Variants in RUBCNL observed in about 807,000 individuals in gnomAD.
RUBCNL encodes the protein protein associated with UVRAG as autophagy enhancer.
RUBCNL carries 62 observed loss-of-function variants against 69.5 expected under a neutral mutation model. The observed-to-expected ratio is 0.89, with a 90% CI of 0.73 to 1.10. RUBCNL has a LOEUF of 1.10. Among genes scored for constraint, RUBCNL ranks in the 50% least tolerant of loss-of-function variants. The pLI, the probability that RUBCNL is intolerant of heterozygous loss-of-function variation, is 0.00. For missense variants in RUBCNL, 768 were observed against 798.1 expected, an observed-to-expected ratio of 0.96 and a Z score of 0.45; for synonymous variants, 291 against 303.6, an observed-to-expected ratio of 0.96 and a Z score of 0.43.
intron 12 of RUBCNL, among the ~76,000 whole-genome samples, chr13:46,345,937 C>G (rs1302429781): frequency 6.6e-6 from 1 of 152,166 alleles, no homozygotes; most frequent in Non-Finnish European, 1.5e-5. Flanking sequence ...ACCTAGTACC[C>G]TTTGATTACC....
intron 5 of RUBCNL, among the ~76,000 whole-genome samples, chr13:46,367,217 C>A (rs2048776955): frequency 6.6e-6 from 1 of 152,218 alleles, no homozygotes; most frequent in African/African-American, 2.4e-5. Flanking sequence ...GGGTCCCCAC[C>A]TCTGTTCTAC....
intron 9 of RUBCNL, 45 bp downstream of exon 9, chr13:46,359,441 T>C (rs1231081172): frequency 1.3e-6 from 2 of 1,559,692 alleles, no homozygotes; most frequent in Admixed American, 1.8e-5. Flanking sequence ...TCTGTCACAA[T>C]GTGATTTAAA....
rs1477108942 is a variant in RUBCNL at position 46,362,923 on chromosome 13, CATATATATATATATAGAT to C, written c.925+174_925+191del. On this transcript the variant is annotated intron_variant, in intron 6 of 14. Coordinates refer to ENST00000429979, the MANE Select transcript of RUBCNL (RefSeq NM_025113.5). ...ATCCAGACATTTGAAACAAGAACAT[CATATATATATATATAGAT>C]ATATATATATATATATATATATATA... Among the ~76,000 whole-genome samples, 212 of 88,046 alleles carry C rather than the reference CATATATATATATATAGAT, an allele frequency of 2.4e-3. 11 individuals are homozygous for C. The highest frequency in any genetic ancestry group is 6.5e-3 in the South Asian group (16 of 2,480). The allele number at this position is 88,046 out of a possible 152,430, so 57.8% of individuals were successfully genotyped here. A position where few individuals can be genotyped will look rare whatever the true frequency, so the allele number is the denominator to read the frequency against.
chr13:46,343,964 C>T (rs1031314526), intron 14 of RUBCNL, among the ~76,000 whole-genome samples: 2 of 152,180 alleles, frequency 1.3e-5, no homozygotes, highest in Non-Finnish European at 2.9e-5. Flanking sequence ...GCTGAAAGGC[C>T]ACCAAACTCC....
rs1252856304 is a variant in RUBCNL at position 46,335,248 on chromosome 13, G to T, written c.*8137C>A. 8.6e-4 allele frequency among the ~76,000 whole-genome samples: 95 copies of T among 110,030 alleles called. No individual in the cohort carries two copies. Among genetic ancestry groups the T allele is most frequent in the South Asian group, 7.1e-3 (24 of 3,382 alleles). The allele number at this position is 110,030 out of a possible 152,430, so 72.2% of individuals were successfully genotyped here. A position where few individuals can be genotyped will look rare whatever the true frequency, so the allele number is the denominator to read the frequency against. The stretch of plus-strand genomic sequence containing the variant: ...CCCAGCTAATTTGTGTCTTTTTGTT[G>T]TTGTTGTTGTTGTTTTTTTTTTTTT... On this transcript the variant is annotated 3_prime_UTR_variant, in exon 15 of 15. Coordinates refer to ENST00000429979, the MANE Select transcript of RUBCNL (RefSeq NM_025113.5).
intron 13 of RUBCNL, among the ~76,000 whole-genome samples, chr13:46,345,059 C>T (rs2048215504): frequency 1.3e-5 from 2 of 152,208 alleles, no homozygotes; most frequent in Admixed American, 1.3e-4. Flanking sequence ...AGAGTAAGGT[C>T]CTAATTGTAA....
In RUBCNL at chr13:46,363,175, G is replaced by A. The variant is rs746370327; in HGVS notation, c.865C>T (p.Arg289Cys). 15 of 1,598,186 alleles carry A rather than the reference G, an allele frequency of 9.4e-6. 1 individual carries two copies. The East Asian group carries it at 1.8e-4, about 19-fold the overall frequency. The change falls in exon 6 of 15, where the codon CGT becomes TGT. Residue 289 changes from arginine to cysteine, a missense_variant. By Grantham distance (180) the Arg-to-Cys change is radical. Transcript: ENST00000429979. ...ATCTCTTTCACATCATGGTAAGTAC[G>A]TGTTTCAGTCACTGGGCTGACCTGT... is the stretch of plus-strand genomic sequence containing the variant. ...VLQVSPVTET[R>C]TYHDVKEICK...
rs376166888 is a variant in RUBCNL at position 46,385,429 on chromosome 13, C to A, written c.-239+1705G>T. The A allele has an allele frequency of 2.3e-3, 413 of 182,750 alleles. 4 individuals are homozygous for A. Among genetic ancestry groups the A allele is most frequent in the Middle Eastern group, 0.014 (5 of 364 alleles). 11.3% of individuals were successfully genotyped at this position (182,750 alleles called of 1,614,324 possible). On this transcript the variant is annotated intron_variant, in intron 1 of 14. Coordinates refer to ENST00000429979, the MANE Select transcript of RUBCNL (RefSeq NM_025113.5). ...GCTGGACATACTTATCCAAGAACTG[C>A]CTAAATTTTTACAATGACACACCAT...
At position 46,368,756 on chromosome 13, in the gene RUBCNL, C is replaced by A. The variant is rs770276247; in HGVS notation, c.595G>T (p.Val199Leu). Reference protein sequence around the residue: ...SSNSFSPEVFVLPVDVEKENA... With the variant: ...SSNSFSPEVFLLPVDVEKENA... ...ACCTTTTCTACATCAACAGGCAGCA[C>A]AAATACCTCTGGTGAGAAGGAATTC... Residue 199 changes from valine (V) to leucine (L), a missense_variant, in exon 4 of 15, where the codon GTG (valine) becomes TTG (leucine). By Grantham distance (32) the Val-to-Leu change is conservative. Coordinates refer to ENST00000429979, the MANE Select transcript of RUBCNL (RefSeq NM_025113.5). The A allele has an allele frequency of 5.0e-6, 8 of 1,613,616 alleles. No individual in the cohort carries two copies. The highest frequency in any genetic ancestry group is 3.3e-5 in the Admixed American group (2 of 59,974).
At chr13:46,348,838 G>A (rs887724863) in intron 12 of RUBCNL, among the ~76,000 whole-genome samples, 6 of 152,062 alleles carry the variant, frequency 3.9e-5, no homozygotes, top group African/African-American at 2.4e-5. Flanking sequence ...TCTTGACCTC[G>A]TGATCCACCC....
In RUBCNL at chr13:46,365,848, G is replaced by A. The variant is rs150322751; in HGVS notation, c.826+2194C>T. Among the ~76,000 whole-genome samples the A allele has an allele frequency of 2.9e-3, 446 of 152,302 alleles. 7 individuals are homozygous for A. The highest frequency in any genetic ancestry group is 1.9e-3 in the Non-Finnish European group (132 of 68,030). On this transcript the variant is annotated intron_variant, in intron 5 of 14. Transcript: ENST00000429979. ...TAGAGGACAAAAAGTTGTGATCCAG[G>A]AAGACAGATACATGCAGGATCAACT...
At chr13:46,351,247 G>A (rs973574078) in intron 10 of RUBCNL, among the ~76,000 whole-genome samples, 1 of 152,136 alleles carries the variant, frequency 6.6e-6, no homozygotes, top group Non-Finnish European at 1.5e-5. Flanking sequence ...GGGCAACAGA[G>A]CGAGACCCTG....
rs577550326 is a variant in RUBCNL at position 46,339,427 on chromosome 13, C to T, written c.*3958G>A. 2.2e-4 allele frequency among the ~76,000 whole-genome samples: 33 copies of T among 152,198 alleles called. No homozygotes were observed. The highest frequency in any genetic ancestry group is 4.8e-4 in the African/African-American group (20 of 41,446). On this transcript the variant is annotated 3_prime_UTR_variant, in exon 15 of 15. Transcript: ENST00000429979. ...AAGGCTTCCTGCAGGTAGCATCTGA[C>T]GGTGGCTAAGCCAGCCATGCAGGCT...
chr13:46,372,541 T>C lies in RUBCNL; in HGVS notation c.-66A>G, dbSNP rs2138806640. On this transcript the variant is annotated 5_prime_UTR_variant, in exon 3 of 15. Coordinates refer to ENST00000429979, the MANE Select transcript of RUBCNL (RefSeq NM_025113.5). ...ATAGGAGTTCCCTGATTGCTGGTACTACTTGATTTGGGCCCTGAACTCACC... is the reference window on the plus strand; with the variant it reads ...ATAGGAGTTCCCTGATTGCTGGTACCACTTGATTTGGGCCCTGAACTCACC... 1 of 1,516,962 alleles carries C rather than the reference T, an allele frequency of 6.6e-7. No homozygotes were observed. The allele number at this position is 1,516,962 out of a possible 1,614,324, so 94.0% of individuals were successfully genotyped here.
intron 1 of RUBCNL, among the ~76,000 whole-genome samples, chr13:46,381,608 G>T (rs764761175): frequency 6.6e-6 from 1 of 152,136 alleles, no homozygotes; most frequent in Non-Finnish European, 1.5e-5. Context: ...TCGAGACGGA[G>T]TTTCGCTCTT....
At chr13:46,387,312 T>C, upstream of RUBCNL, 1 of 985,090 alleles carries the variant, frequency 1.0e-6, no homozygotes, top group African/African-American at 1.7e-5. Flanking sequence ...GCCCCCCGCC[T>C]CCCACACGGG....
intron 2 of RUBCNL, among the ~76,000 whole-genome samples, chr13:46,375,565 C>T (rs1566088366): frequency 6.6e-6 from 1 of 152,070 alleles, no homozygotes; most frequent in African/African-American, 2.4e-5. Context: ...GAGAAAAGAC[C>T]TCTGTGGCAG....
At chr13:46,377,332 C>A (rs9534383) in intron 2 of RUBCNL, among the ~76,000 whole-genome samples, 1 of 152,024 alleles carries the variant, frequency 6.6e-6, no homozygotes, top group Non-Finnish European at 1.5e-5. Context: ...GGCACGATCT[C>A]GGCTCACTGC....
intron 1 of RUBCNL, among the ~76,000 whole-genome samples, 161 bp downstream of exon 1, chr13:46,386,973 C>A (rs550328344): frequency 1.1e-3 from 163 of 152,272 alleles, no homozygotes; most frequent in African/African-American, 3.6e-3. Flanking sequence ...CCCGACACTG[C>A]TCTGAGCGAC....
Sources: gnomAD v4.1 joint callset for allele counts (sites outside exome capture counted in the v4.1 genomes callset) on GRCh38, gnomAD v4.1.1 for gene constraint, MANE v1.5 for transcripts, NCBI Gene and HGNC (gene_info 2026-07-23, HGNC 2026-07-21) for gene names.